Variants in KALRN observed in about 807,000 individuals in gnomAD.
KALRN encodes the protein kalirin.
Under a neutral mutation model 353.7 loss-of-function variants are expected in KALRN, and 70 were observed. The ratio of observed to expected loss-of-function variants is 0.20; its 90% CI spans 0.16 to 0.24. The LOEUF (loss-of-function observed/expected upper bound fraction) is 0.24, where lower values mean the gene tolerates loss of function less well. Among genes scored for constraint, KALRN ranks in the 10% least tolerant of loss-of-function variants. The pLI is 1.00. For synonymous variants in KALRN, 1,391 were observed against 1,434.8 expected (o/e 0.97, Z 0.69); for missense variants, 2,791 against 3,756.7 (o/e 0.74, Z 6.72).
At position 124,334,571 on chromosome 3, in the gene KALRN, T is replaced by C; in HGVS notation, c.1647+76T>C. On this transcript the variant is annotated intron_variant, in intron 9 of 59. Transcript: ENST00000682506. The surrounding 1 kb of genome is among the most constrained non-coding windows in gnomAD (Gnocchi z 4.2). The stretch of plus-strand genomic sequence containing the variant: ...GAGCTCAAGTCCCTGACCTAGGTGA[T>C]CAGGCTTAGGAGAGCCCAGATTTAT... 1 of 1,044,750 alleles carries C rather than the reference T, an allele frequency of 9.6e-7. No homozygotes were observed. The highest frequency in any genetic ancestry group is 1.4e-6 in the Non-Finnish European group (1 of 699,280). 64.7% of individuals were successfully genotyped at this position (1,044,750 alleles called of 1,614,324 possible). A position where few individuals can be genotyped will look rare whatever the true frequency, so the allele number is the denominator to read the frequency against.
intron 37 of KALRN, among the ~76,000 whole-genome samples, chr3:124,643,548 C>G (rs1286684340): frequency 6.6e-6 from 1 of 152,170 alleles, no homozygotes; most frequent in East Asian, 1.9e-4. Flanking sequence ...GTGGCTTGAT[C>G]TCGGCTCACT....
chr3:124,717,111 A>C, intron 58 of KALRN, 136 bp from the exon 59 acceptor site: 1 of 664,628 alleles, frequency 1.5e-6, no homozygotes, highest in Non-Finnish European at 2.4e-6. Flanking sequence ...CTAAATATGC[A>C]TGTGTTGCAC....
intron 1 of KALRN, among the ~76,000 whole-genome samples, chr3:124,189,778 A>G (rs977487908): frequency 1.1e-4 from 16 of 152,130 alleles, no homozygotes; most frequent in Non-Finnish European, 1.2e-4. Flanking sequence ...TCTCTACTAA[A>G]AAATACAAAA....
intron 1 of KALRN, among the ~76,000 whole-genome samples, chr3:124,097,621 A>C (rs1215431051): frequency 6.6e-6 from 1 of 152,250 alleles, no homozygotes; most frequent in Non-Finnish European, 1.5e-5. Context: ...AAAGGCAGGA[A>C]ACATTAGAAC....
At chr3:124,594,059 G>A (rs2076050975) in intron 34 of KALRN, among the ~76,000 whole-genome samples, 1 of 152,080 alleles carries the variant, frequency 6.6e-6, no homozygotes, top group Non-Finnish European at 1.5e-5. Context: ...CAAACAAAAA[G>A]ACCAAAATAG....
chr3:124,434,636 TACTA>T, intron 17 of KALRN, 111 bp downstream of exon 17: 1 of 881,940 alleles, frequency 1.1e-6, no homozygotes, highest in South Asian at 1.7e-5. Context: ...GTCCTTTCAG[TACTA>T]ACATTTGAAG....
intron 39 of KALRN, 46 bp downstream of exon 39, chr3:124,655,713 C>A: frequency 7.1e-7 from 1 of 1,406,432 alleles, no homozygotes; most frequent in Non-Finnish European, 1.0e-6. Context: ...CAACCAGGAG[C>A]ACGTTGGACC....
intron 34 of KALRN, among the ~76,000 whole-genome samples, chr3:124,589,388 G>A (rs2075547319): frequency 6.6e-6 from 1 of 152,124 alleles, no homozygotes; most frequent in South Asian, 2.1e-4. Context: ...GTGAGCCCAG[G>A]AGATCAAGAC....
At chr3:124,418,696 G>A (rs2092632017) in intron 14 of KALRN, among the ~76,000 whole-genome samples, 1 of 152,198 alleles carries the variant, frequency 6.6e-6, no homozygotes, top group South Asian at 2.1e-4. Flanking sequence ...ACAAAGGAAA[G>A]CAAACTAACG....
chr3:124,715,179 T>C (rs941268722), intron 58 of KALRN, among the ~76,000 whole-genome samples: 1 of 152,188 alleles, frequency 6.6e-6, no homozygotes, highest in African/African-American at 2.4e-5. Context: ...TGTGAGAACA[T>C]AGGTGCTTGG....
At chr3:124,258,179 G>C (rs566537751) in intron 3 of KALRN, among the ~76,000 whole-genome samples, 1 of 152,272 alleles carries the variant, frequency 6.6e-6, no homozygotes, top group Non-Finnish European at 1.5e-5. Flanking sequence ...ACAGAGCCAG[G>C]GGGTGGAAGT....
At chr3:124,581,571 C>CA (rs1335924534) in intron 34 of KALRN, among the ~76,000 whole-genome samples, 2 of 151,988 alleles carry the variant, frequency 1.3e-5, no homozygotes, top group Admixed American at 1.3e-4. Flanking sequence ...AGAATTGTGA[C>CA]AAAAAAGTGA....
intron 3 of KALRN, among the ~76,000 whole-genome samples, chr3:124,247,121 A>G (rs1297063981): frequency 2.6e-5 from 4 of 152,146 alleles, no homozygotes; most frequent in Admixed American, 1.3e-4. Flanking sequence ...ATGTTACGAC[A>G]CTTCAGTTTT....
chr3:124,703,155 C>T (rs1280154117), intron 57 of KALRN, among the ~76,000 whole-genome samples: 1 of 152,106 alleles, frequency 6.6e-6, no homozygotes, highest in Non-Finnish European at 1.5e-5. Context: ...TGGTTGTGAC[C>T]GACGTTGTAG....
intron 1 of KALRN, among the ~76,000 whole-genome samples, chr3:124,158,265 A>G (rs2069323163): frequency 6.6e-6 from 1 of 152,160 alleles, no homozygotes; most frequent in Non-Finnish European, 1.5e-5. Context: ...TGGTGACTAG[A>G]AGGACCTAGA....
At chr3:124,235,563 G>A (rs1441745324) in intron 3 of KALRN, among the ~76,000 whole-genome samples, 1 of 152,142 alleles carries the variant, frequency 6.6e-6, no homozygotes, top group African/African-American at 2.4e-5. Flanking sequence ...AGAGTTGGGA[G>A]AGCCCTGAGG....
chr3:124,452,147 C>A (rs556168421), intron 21 of KALRN, among the ~76,000 whole-genome samples: 31 of 152,330 alleles, frequency 2.0e-4, no homozygotes, highest in African/African-American at 7.2e-4. Context: ...ACCACAATCA[C>A]CTATGTATAA....
intron 29 of KALRN, among the ~76,000 whole-genome samples, chr3:124,489,949 G>A (rs977988102): frequency 6.6e-6 from 1 of 152,192 alleles, no homozygotes; most frequent in Non-Finnish European, 1.5e-5. Context: ...GTAATCAAAG[G>A]GAGGAATTCT....
intron 1 of KALRN, among the ~76,000 whole-genome samples, chr3:124,068,912 GA>G (rs2042601058): frequency 6.6e-6 from 1 of 152,202 alleles, no homozygotes; most frequent in African/African-American, 2.4e-5. Flanking sequence ...TTTGTGATAT[GA>G]AAAGAGCCTC....
Sources: allele counts gnomAD v4.1 joint callset (sites outside exome capture counted in the v4.1 genomes callset), GRCh38; gene constraint gnomAD v4.1.1; non-coding constraint Gnocchi (gnomAD v3.1); transcripts MANE v1.5; gene names NCBI Gene and HGNC (gene_info 2026-07-23, HGNC 2026-07-21).